The following RPS6KC1 variants were observed in gnomAD, a reference collection of about 807,000 sequenced individuals.
RPS6KC1 encodes the protein inactive ribosomal protein S6 kinase delta-1.
Under a neutral mutation model 103.8 loss-of-function variants are expected in RPS6KC1, and 54 were observed. The observed-to-expected ratio is 0.52, with a 90% CI of 0.42 to 0.65. The LOEUF (loss-of-function observed/expected upper bound fraction) is 0.65. RPS6KC1 is among the 30% of genes least tolerant of loss of function. The pLI is 0.00. For missense variants in RPS6KC1, 1,151 were observed against 1,253.8 expected, an observed-to-expected ratio of 0.92 and a Z score of 1.24; for synonymous variants, 439 against 438.7, an observed-to-expected ratio of 1.00 and a Z score of -0.01.
the RPS6KC1 span, among the ~76,000 whole-genome samples, chr1:213,400,922 G>C: frequency 6.6e-6 from 1 of 152,058 alleles, no homozygotes; most frequent in Non-Finnish European, 1.5e-5. Context: ...GGCCAGGCTG[G>C]TCTCGAACTC....
At chr1:213,342,841 C>T in the RPS6KC1 span, among the ~76,000 whole-genome samples, 11 of 152,104 alleles carry the variant, frequency 7.2e-5, no homozygotes, top group East Asian at 1.9e-4. Context: ...ATTTAGAGAA[C>T]GGAAGAGGAC....
the RPS6KC1 span, among the ~76,000 whole-genome samples, chr1:213,769,758 A>G: frequency 2.6e-5 from 4 of 152,224 alleles, no homozygotes. Flanking sequence ...GCAGTGCACA[A>G]TTCTGAGTGG....
chr1:213,283,091 G>A, the RPS6KC1 span, among the ~76,000 whole-genome samples: 2 of 152,166 alleles, frequency 1.3e-5, no homozygotes, highest in Non-Finnish European at 2.9e-5. Flanking sequence ...CAGGAACTGT[G>A]TCTAACTTTC....
chr1:213,220,836 T>C (rs185084012), intron 8 of RPS6KC1, among the ~76,000 whole-genome samples: 1 of 152,218 alleles, frequency 6.6e-6, no homozygotes, highest in Non-Finnish European at 1.5e-5. Flanking sequence ...TATAGTTAGA[T>C]TCTTGAGATT....
chr1:213,112,012 G>T (rs191984721), intron 4 of RPS6KC1, among the ~76,000 whole-genome samples: 211 of 152,268 alleles, frequency 1.4e-3, no homozygotes, highest in African/African-American at 4.8e-3. Context: ...AACACTAAGG[G>T]AAGTAAAATG....
chr1:213,588,016 G>A, the RPS6KC1 span, among the ~76,000 whole-genome samples: 1 of 152,150 alleles, frequency 6.6e-6, no homozygotes, highest in Admixed American at 6.5e-5. Context: ...CATCTGCTGA[G>A]GGCCTGTTCC....
chr1:213,266,438 A>G (rs190204449), intron 14 of RPS6KC1, among the ~76,000 whole-genome samples: 65 of 152,306 alleles, frequency 4.3e-4, no homozygotes, highest in African/African-American at 1.5e-3. Flanking sequence ...TGGAAAAAAA[A>G]TATGTACTGT....
the RPS6KC1 span, among the ~76,000 whole-genome samples, chr1:213,674,752 G>A: frequency 2.0e-5 from 3 of 152,294 alleles, no homozygotes; most frequent in Admixed American, 2.0e-4. Context: ...CCCACCAACA[G>A]TGCATAAGCA....
At chr1:213,741,260 T>C in the RPS6KC1 span, among the ~76,000 whole-genome samples, 1 of 151,956 alleles carries the variant, frequency 6.6e-6, no homozygotes, top group African/African-American at 2.4e-5. Flanking sequence ...GGTGAGAACA[T>C]TTTAAAATCT....
At position 213,129,621 on chromosome 1, in the gene RPS6KC1, C is replaced by G. The variant is rs2085361328; in HGVS notation, c.567C>G (p.Pro189=). ...GAATGGCTTCCAATCAAAATTCTCC[C>G]ATTAGAACTTTTGGTCTCAATCTTT... ...DDGMASNQNS[P]IRTFGLNLSS... The change falls in exon 6 of 15, where the codon CCC becomes CCG. Residue 189 remains proline (P), a synonymous_variant. Transcript: ENST00000366960. The G allele has an allele frequency of 6.2e-7, 1 of 1,613,996 alleles. No homozygotes were observed. Among genetic ancestry groups the G allele is most frequent in the Non-Finnish European group, 8.5e-7 (1 of 1,179,942 alleles).
chr1:213,302,863 C>T, the RPS6KC1 span, among the ~76,000 whole-genome samples: 3 of 152,300 alleles, frequency 2.0e-5, no homozygotes, highest in South Asian at 6.2e-4. Context: ...ATATATTATT[C>T]TATATATTGT....
chr1:213,228,574 A>C (rs2094014034), intron 8 of RPS6KC1, among the ~76,000 whole-genome samples: 1 of 151,974 alleles, frequency 6.6e-6, no homozygotes, highest in Admixed American at 6.6e-5. Context: ...AAAAAAAAAA[A>C]ATTATCCAGG....
At chr1:213,389,633 T>G in the RPS6KC1 span, among the ~76,000 whole-genome samples, 2 of 152,312 alleles carry the variant, frequency 1.3e-5, no homozygotes, top group East Asian at 3.9e-4. Flanking sequence ...GGTCCCCATG[T>G]GCTCTGAGTC....
chr1:213,480,935 G>A, the RPS6KC1 span, among the ~76,000 whole-genome samples: 3 of 152,224 alleles, frequency 2.0e-5, no homozygotes, highest in Non-Finnish European at 4.4e-5. Context: ...TATTATATTA[G>A]AAAGGTCTGA....
At chr1:213,542,364 T>A in the RPS6KC1 span, among the ~76,000 whole-genome samples, 2 of 152,074 alleles carry the variant, frequency 1.3e-5, no homozygotes, top group South Asian at 4.2e-4. Flanking sequence ...GGGAGCAGAG[T>A]CCCCCTCCCG....
intron 12 of RPS6KC1, among the ~76,000 whole-genome samples, chr1:213,261,079 A>G (rs1193162216): frequency 1.3e-5 from 2 of 152,208 alleles, no homozygotes; most frequent in African/African-American, 4.8e-5. Flanking sequence ...TCGTTCTCCT[A>G]CAATGTGACA....
chr1:213,193,218 G>T (rs1167915097), intron 8 of RPS6KC1, among the ~76,000 whole-genome samples: 1 of 151,964 alleles, frequency 6.6e-6, no homozygotes, highest in Non-Finnish European at 1.5e-5. Flanking sequence ...AGGTCCATTT[G>T]GCCTATAACA....
the RPS6KC1 span, among the ~76,000 whole-genome samples, chr1:213,807,678 C>T: frequency 6.6e-6 from 1 of 150,854 alleles, no homozygotes; most frequent in Admixed American, 6.7e-5. Context: ...GTTATACATT[C>T]GTCTAAATTT....
At chr1:213,196,519 C>T (rs540512980) in intron 8 of RPS6KC1, among the ~76,000 whole-genome samples, 8 of 152,092 alleles carry the variant, frequency 5.3e-5, no homozygotes, top group South Asian at 2.1e-4. Flanking sequence ...GTTTTTATTA[C>T]ATTTGCTTTT....
Sources: gnomAD v4.1 joint callset for allele counts (sites outside exome capture counted in the v4.1 genomes callset) on GRCh38, gnomAD v4.1.1 for gene constraint, MANE v1.5 for transcripts, NCBI Gene and HGNC (gene_info 2026-07-23, HGNC 2026-07-21) for gene names.